Variants in PIP5K1B observed in about 807,000 individuals in gnomAD.
PIP5K1B encodes phosphatidylinositol 4-phosphate 5-kinase type-1 beta.
Under a neutral mutation model 67.0 loss-of-function variants are expected in PIP5K1B, and 42 were observed. That is an observed-to-expected ratio of 0.63 (90% confidence interval 0.49 to 0.81). PIP5K1B has a LOEUF of 0.81. PIP5K1B is among the 30% of genes least tolerant of loss of function. The pLI is 0.00. For synonymous variants in PIP5K1B, 214 were observed against 231.4 expected (o/e 0.92, Z 0.68); for missense variants, 459 against 646.3 (o/e 0.71, Z 3.14).
intron 7 of PIP5K1B, among the ~76,000 whole-genome samples, chr9:68,893,247 T>C (rs1824891571): frequency 2.0e-5 from 3 of 152,070 alleles, no homozygotes; most frequent in Admixed American, 2.0e-4. Flanking sequence ...CACTTTTCAT[T>C]GACTACATGC....
At chr9:68,828,739 G>A (rs867162099) in intron 4 of PIP5K1B, among the ~76,000 whole-genome samples, 17 of 152,194 alleles carry the variant, frequency 1.1e-4, no homozygotes, top group African/African-American at 2.4e-4. Flanking sequence ...AGGGAGAACC[G>A]GGTAGTAGGG....
chr9:68,719,031 A>C (rs1376942078), intron 1 of PIP5K1B, among the ~76,000 whole-genome samples: 1 of 152,214 alleles, frequency 6.6e-6, no homozygotes, highest in East Asian at 1.9e-4. Context: ...GGAGGTCTTC[A>C]AGAGTTCTAC....
At chr9:68,769,681 C>A (rs1830590334) in intron 2 of PIP5K1B, among the ~76,000 whole-genome samples, 1 of 152,102 alleles carries the variant, frequency 6.6e-6, no homozygotes, top group Admixed American at 6.5e-5. Flanking sequence ...GGCTTTTGGT[C>A]CCATTTGTCT....
intron 2 of PIP5K1B, among the ~76,000 whole-genome samples, chr9:68,790,979 A>T (rs1831935123): frequency 6.6e-6 from 1 of 152,222 alleles, no homozygotes; most frequent in Non-Finnish European, 1.5e-5. Context: ...TTAAGGCAAC[A>T]TGACTGAAAG....
intron 2 of PIP5K1B, among the ~76,000 whole-genome samples, chr9:68,797,476 A>G (rs925598085): frequency 6.6e-6 from 1 of 152,184 alleles, no homozygotes; most frequent in African/African-American, 2.4e-5. Context: ...TTTGTTGGTG[A>G]TGGTGGTAGT....
At chr9:68,897,787 C>T (rs1825162292) in intron 8 of PIP5K1B, among the ~76,000 whole-genome samples, 1 of 152,050 alleles carries the variant, frequency 6.6e-6, no homozygotes, top group South Asian at 2.1e-4. Context: ...TGGCTGACCT[C>T]CCCCTGCTTC....
intron 14 of PIP5K1B, 159 bp downstream of exon 14, chr9:68,940,949 C>A (rs1827530597): frequency 2.7e-6 from 2 of 737,698 alleles, no homozygotes; most frequent in South Asian, 1.5e-5. Context: ...TTTACTGTGG[C>A]AAAAGAACAT....
At chr9:68,760,563 G>A (rs1215060188) in intron 2 of PIP5K1B, among the ~76,000 whole-genome samples, 1 of 151,996 alleles carries the variant, frequency 6.6e-6, no homozygotes. Context: ...AGGACTTTGG[G>A]ACAGTCCATG....
At chr9:68,838,724 C>G (rs950975748) in intron 4 of PIP5K1B, among the ~76,000 whole-genome samples, 1 of 152,094 alleles carries the variant, frequency 6.6e-6, no homozygotes, top group Admixed American at 6.5e-5. Flanking sequence ...AACAAACCTG[C>G]ACTTGTACCC....
At chr9:68,711,092 A>G (rs977451107) in intron 1 of PIP5K1B, among the ~76,000 whole-genome samples, 1 of 152,192 alleles carries the variant, frequency 6.6e-6, no homozygotes, top group Non-Finnish European at 1.5e-5. Flanking sequence ...TTGTAAGAGA[A>G]AAGGTGATAT....
intron 5 of PIP5K1B, among the ~76,000 whole-genome samples, chr9:68,868,933 C>T (rs909813301): frequency 6.6e-6 from 1 of 152,144 alleles, no homozygotes; most frequent in African/African-American, 2.4e-5. Context: ...CCAGGGAATA[C>T]CCACCTTTTG....
intron 6 of PIP5K1B, among the ~76,000 whole-genome samples, chr9:68,880,121 C>T (rs1824105932): frequency 6.6e-6 from 1 of 152,088 alleles, no homozygotes; most frequent in Admixed American, 6.6e-5. Context: ...GGTTGGAGGT[C>T]TAGAAGAAAC....
chr9:68,768,818 G>T (rs1368346840), intron 2 of PIP5K1B, among the ~76,000 whole-genome samples: 1 of 152,162 alleles, frequency 6.6e-6, no homozygotes, highest in Non-Finnish European at 1.5e-5. Flanking sequence ...AGTCTGTTAA[G>T]TGCAAATGCT....
At chr9:68,939,544 G>A (rs1487511843) in intron 13 of PIP5K1B, among the ~76,000 whole-genome samples, 2 of 152,198 alleles carry the variant, frequency 1.3e-5, no homozygotes, top group Non-Finnish European at 2.9e-5. Context: ...AATTTTTGAA[G>A]GTTGAGCACT....
At chr9:68,891,487 A>G (rs1824784989) in intron 7 of PIP5K1B, among the ~76,000 whole-genome samples, 1 of 151,986 alleles carries the variant, frequency 6.6e-6, no homozygotes, top group Admixed American at 6.6e-5. Context: ...TGATTATACA[A>G]GTTGTACATT....
intron 15 of PIP5K1B, among the ~76,000 whole-genome samples, chr9:68,996,010 G>A (rs1159373520): frequency 1.3e-5 from 2 of 152,172 alleles, no homozygotes; most frequent in Admixed American, 1.3e-4. Context: ...GGTTTCTCTT[G>A]TAATGCTTCT....
intron 14 of PIP5K1B, among the ~76,000 whole-genome samples, chr9:68,945,815 G>A (rs552630580): frequency 6.6e-6 from 1 of 152,314 alleles, no homozygotes; most frequent in Admixed American, 6.5e-5. Context: ...TACAGTTTCA[G>A]ATGATAAGTT....
Position 68,988,159 on chromosome 9 carries a change from A to G in PIP5K1B, c.1503-2981A>G, listed in dbSNP as rs545749173. 5.3e-5 allele frequency among the ~76,000 whole-genome samples: 8 copies of G among 152,304 alleles called. No homozygotes were observed. The South Asian group carries it at 1.7e-3, about 32-fold the overall frequency. The stretch of plus-strand genomic sequence containing the variant: ...AAAAAATGCTTATGGGTATTTATAA[A>G]TAAATAATTACAAAGCAAATATGGT... On this transcript the variant is annotated intron_variant, in intron 14 of 15. Coordinates refer to ENST00000265382, the MANE Select transcript of PIP5K1B (RefSeq NM_003558.4).
At chr9:68,806,221 C>T (rs778907958) in intron 2 of PIP5K1B, among the ~76,000 whole-genome samples, 1 of 152,230 alleles carries the variant, frequency 6.6e-6, no homozygotes, top group Non-Finnish European at 1.5e-5. Context: ...GAAAGCTGCT[C>T]TGAGAACTCC....
Sources: allele counts gnomAD v4.1 joint callset (sites outside exome capture counted in the v4.1 genomes callset), GRCh38; gene constraint gnomAD v4.1.1; transcripts MANE v1.5; gene names NCBI Gene and HGNC (gene_info 2026-07-23, HGNC 2026-07-21).